SEM1: variants seen among roughly 807,000 people sequenced by gnomAD.
SEM1 encodes SEM1 26S proteasome subunit.
A neutral mutation model predicts 12.7 loss-of-function variants in SEM1; 3 were observed. The observed-to-expected ratio is 0.24, with a 90% CI of 0.11 to 0.61. The LOEUF is 0.61. Among genes scored for constraint, SEM1 ranks in the 20% least tolerant of loss-of-function variants. SEM1 has a pLI of 0.88. For synonymous variants in SEM1, 30 were observed against 27.8 expected (o/e 1.08, Z -0.25); for missense variants, 59 against 81.3 (o/e 0.73, Z 1.06).
chr7:96,501,291 TGGTCAAGGCA>T (rs1803529658), upstream of SEM1, among the ~76,000 whole-genome samples: 1 of 152,152 alleles, frequency 6.6e-6, no homozygotes, highest in Non-Finnish European at 1.5e-5. Context: ...TGGAAATAAA[TGGTCAAGGCA>T]GGTTTTAAAA....
chr7:96,541,753 C>A (rs1310293074), intron 2 of SEM1, among the ~76,000 whole-genome samples: 1 of 151,572 alleles, frequency 6.6e-6, no homozygotes, highest in Non-Finnish European at 1.5e-5. Context: ...TGCAATCTAT[C>A]TTGAGCTAAT....
chr7:96,557,497 C>T (rs1441536735), intron 2 of SEM1, among the ~76,000 whole-genome samples: 1 of 95,530 alleles, frequency 1.0e-5, no homozygotes, highest in Admixed American at 1.1e-4. Flanking sequence ...CCCAGTTAGG[C>T]TGCTCGGGGG....
chr7:96,602,506 A>G (rs1045738279), intron 2 of SEM1, among the ~76,000 whole-genome samples: 4 of 152,166 alleles, frequency 2.6e-5, no homozygotes, highest in Non-Finnish European at 5.9e-5. Flanking sequence ...ACTCATTCAT[A>G]TCACCTGCCT....
At chr7:96,484,762 A>C in intron 3 of SEM1, 1 of 1,082,506 alleles carries the variant, frequency 9.2e-7, no homozygotes, top group South Asian at 1.4e-5. Flanking sequence ...GGGTGCCTTA[A>C]AAATCCTCTC....
At chr7:96,581,152 G>C (rs924979302) in intron 2 of SEM1, among the ~76,000 whole-genome samples, 2 of 152,126 alleles carry the variant, frequency 1.3e-5, no homozygotes, top group Admixed American at 6.5e-5. Flanking sequence ...TTTGTATAAG[G>C]TGTAAGGAAG....
intron 2 of SEM1, among the ~76,000 whole-genome samples, chr7:96,600,654 C>T (rs1807171693): frequency 6.6e-6 from 1 of 152,110 alleles, no homozygotes; most frequent in Admixed American, 6.6e-5. Context: ...TGGTTTTCAA[C>T]GTTGAATGTA....
chr7:96,630,937 T>C (rs779193335), intron 2 of SEM1, among the ~76,000 whole-genome samples: 4 of 152,300 alleles, frequency 2.6e-5, no homozygotes, highest in African/African-American at 9.6e-5. Context: ...GTCCAGGAGC[T>C]ACAGCCTGGA....
intron 2 of SEM1, among the ~76,000 whole-genome samples, chr7:96,658,601 A>G (rs10266142): frequency 0.014 from 2,186 of 152,322 alleles, 54 homozygotes; most frequent in African/African-American, 0.05. Context: ...AACTTGTCTC[A>G]GTGTTGGAAG....
chr7:96,579,445 A>G (rs1291862568), intron 2 of SEM1, among the ~76,000 whole-genome samples: 3 of 152,240 alleles, frequency 2.0e-5, no homozygotes, highest in Non-Finnish European at 2.9e-5. Flanking sequence ...GCAATCATAA[A>G]TGATGACAGA....
intron 2 of SEM1, among the ~76,000 whole-genome samples, chr7:96,634,289 A>G (rs1050577271): frequency 6.6e-5 from 10 of 152,168 alleles, no homozygotes; most frequent in African/African-American, 2.4e-4. Context: ...TGTGATAACT[A>G]TGGCAATTGA....
intron 2 of SEM1, among the ~76,000 whole-genome samples, chr7:96,612,234 GTGA>G (rs1231303181): frequency 6.6e-6 from 1 of 152,176 alleles, no homozygotes; most frequent in East Asian, 1.9e-4. Context: ...ATTGCACTGG[GTGA>G]CTGTTATCCT....
At chr7:96,505,110 T>C (rs1803708093) in intron 3 of SEM1, among the ~76,000 whole-genome samples, 1 of 151,872 alleles carries the variant, frequency 6.6e-6, no homozygotes, top group Non-Finnish European at 1.5e-5. Context: ...ATTTATTTAT[T>C]TATTTATTTT....
intron 1 of SEM1, among the ~76,000 whole-genome samples, chr7:96,707,024 A>G (rs1422453001): frequency 6.6e-6 from 1 of 152,238 alleles, no homozygotes; most frequent in Non-Finnish European, 1.5e-5. Flanking sequence ...TCAAATACCA[A>G]AAGATTGAAA....
intron 2 of SEM1, among the ~76,000 whole-genome samples, chr7:96,629,526 T>C (rs1168193241): frequency 6.6e-6 from 1 of 152,098 alleles, no homozygotes; most frequent in Non-Finnish European, 1.5e-5. Flanking sequence ...GATAGAATTC[T>C]GAATTCCTTC....
intron 1 of SEM1, chr7:96,695,170 C>A (rs1052675843): frequency 1.3e-4 from 31 of 242,628 alleles, no homozygotes; most frequent in Non-Finnish European, 2.0e-4. Context: ...TTTCTTTGAA[C>A]TCATTTTTAG....
chr7:96,664,548 C>T (rs1237163568), intron 2 of SEM1, among the ~76,000 whole-genome samples: 1 of 152,132 alleles, frequency 6.6e-6, no homozygotes, highest in Non-Finnish European at 1.5e-5. Flanking sequence ...TAGTTTTGGC[C>T]CACCTGGGTA....
chr7:96,553,069 G>C (rs1805343197), intron 2 of SEM1, among the ~76,000 whole-genome samples: 1 of 151,966 alleles, frequency 6.6e-6, no homozygotes, highest in Non-Finnish European at 1.5e-5. Flanking sequence ...AAATTTGTTT[G>C]AGTTCATTGT....
At chr7:96,592,174 A>C (rs979704872) in intron 2 of SEM1, among the ~76,000 whole-genome samples, 4 of 151,856 alleles carry the variant, frequency 2.6e-5, no homozygotes, top group African/African-American at 9.7e-5. Flanking sequence ...GGCTTACCTA[A>C]GACGCCAGTC....
rs150538225 is a variant in SEM1, at chr7:96,552,025, G to A, written c.171-45327C>T. ...GTACACAGAGTTGAGGTTGCCCCTC[G>A]CAGGAGTCTCACATCCCACAGGAAT... is the stretch of plus-strand genomic sequence containing the variant. On this transcript the variant is annotated intron_variant and NMD_transcript_variant, in intron 2 of 3. Transcript: ENST00000466986. Among the ~76,000 whole-genome samples the A allele has an allele frequency of 1.1e-4, 17 of 152,240 alleles. No homozygotes were observed. In the East Asian group the frequency reaches 3.3e-3, roughly 30 times the overall value.
Sources: gnomAD v4.1 joint callset for allele counts (sites outside exome capture counted in the v4.1 genomes callset) on GRCh38, gnomAD v4.1.1 for gene constraint, MANE v1.5 for transcripts, NCBI Gene and HGNC (gene_info 2026-07-23, HGNC 2026-07-21) for gene names.